Variants in TRPM7 observed in about 807,000 individuals in gnomAD.
TRPM7 encodes LTRPC ion channel family member 7.
A neutral mutation model predicts 229.7 loss-of-function variants in TRPM7; 134 were observed. That is an observed-to-expected ratio of 0.58 (90% CI 0.51 to 0.67). TRPM7 has a LOEUF of 0.67. Among genes scored for constraint, TRPM7 ranks in the 30% least tolerant of loss-of-function variants. The probability of loss-of-function intolerance (pLI) is 0.00; values close to 1 mark genes in which losing one functional copy is unlikely to be tolerated. For synonymous variants in TRPM7, 699 were observed against 715.2 expected, an observed-to-expected ratio of 0.98 and a Z score of 0.36; for missense variants, 1,901 against 2,210.0, an observed-to-expected ratio of 0.86 and a Z score of 2.80.
chr15:50,570,018 AAAC>A (rs2053793724), intron 37 of TRPM7, 25 bp from the exon 38 acceptor site: 3 of 1,594,438 alleles, frequency 1.9e-6, no homozygotes, highest in African/African-American at 2.7e-5. Flanking sequence ...ATTTTAAAAA[AAAC>A]AACAAAAAAA....
chr15:50,566,394 CTT>C (rs2053598394), intron 38 of TRPM7, among the ~76,000 whole-genome samples: 4 of 152,016 alleles, frequency 2.6e-5, no homozygotes, highest in African/African-American at 9.7e-5. Flanking sequence ...CACTCAATCT[CTT>C]GTTAGAAATA....
chr15:50,622,058 G>A (rs1040367204), intron 12 of TRPM7, among the ~76,000 whole-genome samples: 1 of 151,848 alleles, frequency 6.6e-6, no homozygotes, highest in East Asian at 1.9e-4. Context: ...CAAAAAAAAA[G>A]TATCAGGCAG....
intron 25 of TRPM7, among the ~76,000 whole-genome samples, chr15:50,593,139 A>T (rs1413958595): frequency 6.6e-6 from 1 of 151,984 alleles, no homozygotes; most frequent in Non-Finnish European, 1.5e-5. Flanking sequence ...AAATATAAAA[A>T]TCAGCTGGGT....
Position 50,643,385 on chromosome 15 carries a change from C to T in TRPM7, c.490G>A (p.Ala164Thr). 12 of 1,614,142 alleles carry T rather than the reference C, an allele frequency of 7.4e-6. No homozygotes were observed. Among genetic ancestry groups the T allele is most frequent in the African/African-American group, 1.3e-5 (1 of 75,048 alleles). The change falls in exon 5 of 39, where the codon GCA (alanine) becomes ACA (threonine). Residue 164 changes from alanine (A) to threonine (T), a missense_variant. Around this residue, in one of 8 missense-constraint regions of TRPM7, gnomAD observed 794 missense variants for 881.9 expected, o/e 0.90. Coordinates refer to ENST00000646667, the MANE Select transcript of TRPM7 (RefSeq NM_017672.6). ...AAAATCCAGGCTCCAGTTGTAACTG[C>T]AGCTTTAATAAGACCTTTTCCAAGC... Reference protein sequence around the residue: ...QLLGKGLIKAAVTTGAWILTG... With the variant: ...QLLGKGLIKATVTTGAWILTG...
intron 19 of TRPM7, among the ~76,000 whole-genome samples, chr15:50,607,617 A>G (rs978897677): frequency 1.3e-5 from 2 of 152,180 alleles, no homozygotes; most frequent in African/African-American, 4.8e-5. Context: ...TTCTCAGCAT[A>G]TGCCACACAA....
intron 27 of TRPM7, among the ~76,000 whole-genome samples, chr15:50,589,148 C>G (rs1031678019): frequency 6.6e-6 from 1 of 151,962 alleles, no homozygotes; most frequent in African/African-American, 2.4e-5. Context: ...ATGGTAAAAC[C>G]TCATCTCTAC....
At position 50,561,134 on chromosome 15, in the gene TRPM7, C is replaced by A. The variant is rs914698896; in HGVS notation, c.*544G>T. 8 of 152,820 alleles carry A rather than the reference C, an allele frequency of 5.2e-5. No individual in the cohort carries two copies. Among genetic ancestry groups the A allele is most frequent in the African/African-American group, 1.9e-4 (8 of 41,566 alleles). 9.5% of individuals were successfully genotyped at this position (152,820 alleles called of 1,614,324 possible). ...GGTCTTCAGTTCAGGCTTCTCATAC[C>A]TCTGTGAACCTAGAATTAGAACAAG... is the stretch of plus-strand genomic sequence containing the variant. On this transcript the variant is annotated 3_prime_UTR_variant, in exon 39 of 39. Coordinates refer to ENST00000646667, the MANE Select transcript of TRPM7 (RefSeq NM_017672.6).
At chr15:50,639,367 C>T in intron 6 of TRPM7, 57 bp downstream of exon 6, 2 of 1,389,454 alleles carry the variant, frequency 1.4e-6, no homozygotes, top group Non-Finnish European at 1.9e-6. Context: ...ACTATTCTTA[C>T]TATAATTTTG....
intron 29 of TRPM7, among the ~76,000 whole-genome samples, chr15:50,582,263 C>T (rs2054455192): frequency 6.6e-6 from 1 of 152,026 alleles, no homozygotes; most frequent in Non-Finnish European, 1.5e-5. Context: ...ACAGCCCCCA[C>T]CGAGTTTTTT....
chr15:50,681,433 C>T (rs1198547396), intron 1 of TRPM7, among the ~76,000 whole-genome samples: 3 of 152,110 alleles, frequency 2.0e-5, no homozygotes, highest in African/African-American at 7.2e-5. Context: ...GGAAGACTAT[C>T]ATTTCATATA....
chr15:50,670,912 G>A (rs1378297724), intron 1 of TRPM7, among the ~76,000 whole-genome samples: 2 of 152,020 alleles, frequency 1.3e-5, no homozygotes, highest in African/African-American at 4.8e-5. Context: ...AGTAGCTCTT[G>A]CCTGTAATCT....
In TRPM7 at chr15:50,666,263, C is replaced by A. The variant is rs148375565; in HGVS notation, c.4-3217G>T. Among the ~76,000 whole-genome samples the A allele has an allele frequency of 2.6e-3, 399 of 151,522 alleles. 1 individual carries two copies. The highest frequency in any genetic ancestry group is 9.3e-3 in the African/African-American group (383 of 41,302). ...ACCAGCCTGGGCAACATGGCAAAACCCCATCTCTACGAAAAATACAAAAAA... is the reference window on the plus strand; with the variant it reads ...ACCAGCCTGGGCAACATGGCAAAACACCATCTCTACGAAAAATACAAAAAA... On this transcript the variant is annotated intron_variant, in intron 1 of 38. Coordinates refer to ENST00000646667, the MANE Select transcript of TRPM7 (RefSeq NM_017672.6).
At chr15:50,648,327 AATAAC>A (rs1185178342) in intron 4 of TRPM7, among the ~76,000 whole-genome samples, 1 of 152,230 alleles carries the variant, frequency 6.6e-6, no homozygotes, top group Non-Finnish European at 1.5e-5. Context: ...ATAGATAACT[AATAAC>A]ATAATGGTAA....
At chr15:50,616,290 T>TA (rs928338626) in intron 13 of TRPM7, among the ~76,000 whole-genome samples, 43 of 151,850 alleles carry the variant, frequency 2.8e-4, no homozygotes, top group African/African-American at 9.9e-4. Flanking sequence ...CTTATAGAAA[T>TA]AAAAAAAATA....
intron 27 of TRPM7, chr15:50,588,260 G>A: frequency 1.0e-6 from 1 of 984,386 alleles, no homozygotes; most frequent in Non-Finnish European, 1.2e-6. Flanking sequence ...CCTATTTGAG[G>A]TAAGAAAATT....
intron 15 of TRPM7, 26 bp from the exon 16 acceptor site, chr15:50,612,855 G>A: frequency 1.3e-6 from 2 of 1,585,128 alleles, no homozygotes; most frequent in South Asian, 1.1e-5. Flanking sequence ...AAGTTATAAA[G>A]CTCATTATAA....
chr15:50,671,037 A>G (rs537836038), intron 1 of TRPM7, among the ~76,000 whole-genome samples: 1 of 152,136 alleles, frequency 6.6e-6, no homozygotes, highest in Non-Finnish European at 1.5e-5. Flanking sequence ...TATCATATAC[A>G]TTGCCTCACA....
intron 3 of TRPM7, among the ~76,000 whole-genome samples, chr15:50,649,953 G>A (rs1350034741): frequency 6.6e-6 from 1 of 152,018 alleles, no homozygotes; most frequent in African/African-American, 2.4e-5. Flanking sequence ...CCAGCACTTT[G>A]GGAGGCCGAG....
chr15:50,570,607 C>T (rs1347508682), intron 36 of TRPM7, among the ~76,000 whole-genome samples: 1 of 150,130 alleles, frequency 6.7e-6, no homozygotes, highest in Non-Finnish European at 1.5e-5. Context: ...CTTTGGGCGG[C>T]CAAGGCGGAT....
Sources: gnomAD v4.1 joint callset for allele counts (sites outside exome capture counted in the v4.1 genomes callset) on GRCh38, gnomAD v4.1.1 for gene constraint, gnomAD v4.1.1 regional missense constraint, MANE v1.5 for transcripts, NCBI Gene and HGNC (gene_info 2026-07-23, HGNC 2026-07-21) for gene names.